BMP5: variants seen among roughly 807,000 people sequenced by gnomAD.
BMP5 encodes the protein bone morphogenetic protein 5.
A neutral mutation model predicts 46.6 loss-of-function variants in BMP5; 23 were observed. The observed-to-expected ratio is 0.49, with a 90% CI of 0.35 to 0.70. The LOEUF (loss-of-function observed/expected upper bound fraction) is 0.70, where lower values mean the gene tolerates loss of function less well. Among genes scored for constraint, BMP5 ranks in the 30% least tolerant of loss-of-function variants. BMP5 has a pLI of 0.00. For missense variants in BMP5, 545 were observed against 565.6 expected (o/e 0.96, Z 0.37); for synonymous variants, 204 against 191.9 (o/e 1.06, Z -0.52).
chr6:55,778,587 C>T (rs758719904), intron 3 of BMP5, among the ~76,000 whole-genome samples: 1 of 151,826 alleles, frequency 6.6e-6, no homozygotes, highest in Non-Finnish European at 1.5e-5. Context: ...AATATTTGCT[C>T]GTGAAAAGTT....
chr6:55,776,089 G>A (rs1775166335), intron 3 of BMP5, among the ~76,000 whole-genome samples: 1 of 151,906 alleles, frequency 6.6e-6, no homozygotes, highest in African/African-American at 2.4e-5. Context: ...AATAATCAAA[G>A]CAGTAAACCT....
Position 55,868,047 on chromosome 6 carries a change from T to C in BMP5, c.490+6329A>G, listed in dbSNP as rs1777692448. Among the ~76,000 whole-genome samples the C allele has an allele frequency of 2.6e-5, 4 of 152,174 alleles. No individual in the cohort carries two copies. In the South Asian group the frequency reaches 6.2e-4, roughly 24 times the overall value. ...TCTGGAGATGGCTGTGTCTCCTATA[T>C]AGAAAGGGTAATCACAGAGTCAGAA... On this transcript the variant is annotated intron_variant, in intron 1 of 6. Transcript: ENST00000370830.
Position 55,866,603 on chromosome 6 carries a change from T to G in BMP5, c.490+7773A>C, listed in dbSNP as rs148627607. 3.3e-3 allele frequency among the ~76,000 whole-genome samples: 496 copies of G among 152,298 alleles called. 2 individuals carry two copies. The highest frequency in any genetic ancestry group is 0.011 in the African/African-American group (470 of 41,580). On this transcript the variant is annotated intron_variant, in intron 1 of 6. Coordinates refer to ENST00000370830, the MANE Select transcript of BMP5 (RefSeq NM_021073.4). ...ATATTGCTCTTCATTTTGCTCTACATACTTGCATATATTCTTCTCGTTCCC... is the reference window on the plus strand; with the variant it reads ...ATATTGCTCTTCATTTTGCTCTACAGACTTGCATATATTCTTCTCGTTCCC...
intron 1 of BMP5, among the ~76,000 whole-genome samples, chr6:55,859,167 A>C (rs925007385): frequency 3.9e-5 from 6 of 152,208 alleles, no homozygotes; most frequent in Non-Finnish European, 7.3e-5. Flanking sequence ...ATAGGATAGC[A>C]AGTGATTTAG....
chr6:55,801,451 T>A (rs1582076019), intron 2 of BMP5, among the ~76,000 whole-genome samples: 1 of 152,176 alleles, frequency 6.6e-6, no homozygotes. Flanking sequence ...TGGAGGTAGG[T>A]TCCACTTTGT....
chr6:55,870,142 A>G (rs1310939869), intron 1 of BMP5, among the ~76,000 whole-genome samples: 1 of 151,902 alleles, frequency 6.6e-6, no homozygotes, highest in African/African-American at 2.4e-5. Context: ...TCTTAGTTCC[A>G]GCTAATACGT....
At chr6:55,781,513 T>C (rs1004913948) in intron 3 of BMP5, among the ~76,000 whole-genome samples, 1 of 152,118 alleles carries the variant, frequency 6.6e-6, no homozygotes, top group Admixed American at 6.6e-5. Flanking sequence ...ATTTTACCTA[T>C]AGTAATTAAA....
In BMP5 at chr6:55,754,974, A is replaced by G. The variant is rs1774545191; in HGVS notation, c.*559T>C. The G allele has an allele frequency of 6.6e-6, 1 of 152,370 alleles. No homozygotes were observed. Among genetic ancestry groups the G allele is most frequent in the African/African-American group, 2.4e-5 (1 of 41,444 alleles). 9.4% of individuals were successfully genotyped at this position (152,370 alleles called of 1,614,324 possible). ...AATTCTGTGCAATCTTTCAGCTTCT[A>G]TGTTCTGCCTACCGTTTATTTATTC... On this transcript the variant is annotated 3_prime_UTR_variant, in exon 7 of 7. Transcript: ENST00000370830.
At chr6:55,787,770 CAA>C (rs1225748322) in intron 3 of BMP5, among the ~76,000 whole-genome samples, 1 of 151,470 alleles carries the variant, frequency 6.6e-6, no homozygotes, top group Non-Finnish European at 1.5e-5. Context: ...GTCCTGATAA[CAA>C]AAGACTTTAT....
At position 55,755,617 on chromosome 6, in the gene BMP5, G is replaced by T; in HGVS notation, c.1281C>A (p.Ile427=). The T allele has an allele frequency of 6.2e-7, 1 of 1,612,292 alleles. No homozygotes were observed. The highest frequency in any genetic ancestry group is 1.3e-5 in the African/African-American group (1 of 74,920). Residue 427 remains isoleucine (I), a synonymous_variant, in exon 7 of 7, where the codon ATC becomes ATA. Transcript: ENST00000370830. ...AGCTGTCATCAAAGTACAGAACAGAGATGGCATTTAATTTGGTTGGAGCAC... is the reference window on the plus strand; with the variant it reads ...AGCTGTCATCAAAGTACAGAACAGATATGGCATTTAATTTGGTTGGAGCAC... ...PCCAPTKLNA[I]SVLYFDDSSN... is the part of the protein sequence containing the mutation.
chr6:55,760,346 T>G (rs1774739719), intron 5 of BMP5, 111 bp downstream of exon 5: 1 of 911,364 alleles, frequency 1.1e-6, no homozygotes, highest in Admixed American at 1.9e-5. Flanking sequence ...TAAATGGTCA[T>G]GTCAAAAATC....
In BMP5 at chr6:55,774,186, T is replaced by A; in HGVS notation, c.890A>T (p.Lys297Ile). 2 of 1,613,188 alleles carry A rather than the reference T, an allele frequency of 1.2e-6. No homozygotes were observed. The highest frequency in any genetic ancestry group is 1.7e-4 in the Middle Eastern group (1 of 6,030). Residue 297 changes from lysine to isoleucine, a missense_variant, in exon 4 of 7, where the codon AAA becomes ATA. Transcript: ENST00000370830. ...GAAGAAGGCCACCATGAATGGTTGT[T>A]TTGACTGAGGTCCCTGTCTTCCCAC... The part of the protein sequence containing the change: ...GLVGRQGPQS[K>I]QPFMVAFFKA...
chr6:55,823,338 C>A (rs1776453750), intron 1 of BMP5, among the ~76,000 whole-genome samples: 1 of 151,968 alleles, frequency 6.6e-6, no homozygotes, highest in African/African-American at 2.4e-5. Flanking sequence ...ATACATAATC[C>A]AGAGAAATCT....
intron 2 of BMP5, among the ~76,000 whole-genome samples, chr6:55,813,553 G>C (rs1006766780): frequency 7.2e-5 from 11 of 151,998 alleles, no homozygotes; most frequent in African/African-American, 2.7e-4. Flanking sequence ...ACTTTTGGGG[G>C]CCGAGGCGGG....
chr6:55,760,650 G>T, intron 4 of BMP5, 117 bp from the exon 5 acceptor site: 1 of 882,158 alleles, frequency 1.1e-6, no homozygotes, highest in Non-Finnish European at 1.8e-6. Context: ...GTGGAAAAAT[G>T]AGTTTCAATC....
chr6:55,830,908 T>A (rs1412480639), intron 1 of BMP5, among the ~76,000 whole-genome samples: 3 of 152,120 alleles, frequency 2.0e-5, no homozygotes, highest in African/African-American at 7.2e-5. Context: ...GATTCTTAGG[T>A]TTCTCTTCAC....
intron 4 of BMP5, among the ~76,000 whole-genome samples, chr6:55,761,462 C>A (rs1364659525): frequency 6.6e-6 from 1 of 151,932 alleles, no homozygotes; most frequent in Non-Finnish European, 1.5e-5. Context: ...GGTCTTATTA[C>A]CCCTCTGACT....
Position 55,755,336 on chromosome 6 carries a change from T to C in BMP5, c.*197A>G, listed in dbSNP as rs1774559065. 2 of 538,264 alleles carry C rather than the reference T, an allele frequency of 3.7e-6. No individual in the cohort carries two copies. Among genetic ancestry groups the C allele is most frequent in the Non-Finnish European group, 6.6e-6 (2 of 305,044 alleles). The allele number at this position is 538,264 out of a possible 1,614,324, so 33.3% of individuals were successfully genotyped here. ...TAGTGGCCTATGAAATAGATTTTAT[T>C]GATAAAGCCTCCACAGAAGAGAATA... On this transcript the variant is annotated 3_prime_UTR_variant, in exon 7 of 7. Coordinates refer to ENST00000370830, the MANE Select transcript of BMP5 (RefSeq NM_021073.4).
chr6:55,835,037 A>T (rs892003584), intron 1 of BMP5, among the ~76,000 whole-genome samples: 3 of 151,944 alleles, frequency 2.0e-5, no homozygotes, highest in Admixed American at 1.3e-4. Flanking sequence ...AGTGAGACGA[A>T]GTTGTGCCAT....
Sources: gnomAD v4.1 joint callset for allele counts (sites outside exome capture counted in the v4.1 genomes callset) on GRCh38, gnomAD v4.1.1 for gene constraint, MANE v1.5 for transcripts, NCBI Gene and HGNC (gene_info 2026-07-23, HGNC 2026-07-21) for gene names.